The following INSC variants were observed in gnomAD, a reference collection of about 807,000 sequenced individuals.
INSC encodes the protein protein inscuteable homolog.
In INSC, 67 loss-of-function variants were observed where a neutral mutation model predicts 58.6. The observed-to-expected ratio is 1.14, with a 90% CI of 0.94 to 1.40. INSC has a LOEUF of 1.40. INSC is among the 40% of genes most tolerant of loss of function. INSC has a pLI of 0.00. For synonymous variants in INSC, 262 were observed against 276.1 expected (o/e 0.95, Z 0.51); for missense variants, 714 against 692.0 (o/e 1.03, Z -0.36).
intron 10 of INSC, among the ~76,000 whole-genome samples, chr11:15,237,100 A>T (rs886515299): frequency 3.9e-5 from 6 of 152,216 alleles, no homozygotes; most frequent in African/African-American, 1.4e-4. Flanking sequence ...GACTGACTGA[A>T]TCAGTAAACA....
chr11:15,144,023 G>A (rs1848434133), intron 1 of INSC, among the ~76,000 whole-genome samples: 1 of 152,150 alleles, frequency 6.6e-6, no homozygotes, highest in African/African-American at 2.4e-5. Flanking sequence ...CACCTGATTG[G>A]TGAATCCTAG....
chr11:15,266,002 A>G, the INSC span, among the ~76,000 whole-genome samples: 1 of 151,876 alleles, frequency 6.6e-6, no homozygotes, highest in Non-Finnish European at 1.5e-5. Flanking sequence ...AGATACTCAT[A>G]GTGACAAAGT....
intron 2 of INSC, among the ~76,000 whole-genome samples, chr11:15,165,535 A>T (rs1319500119): frequency 2.0e-5 from 3 of 152,202 alleles, no homozygotes; most frequent in Admixed American, 6.5e-5. Context: ...CTGGAATTTG[A>T]ATCCAGGTAA....
intron 9 of INSC, among the ~76,000 whole-genome samples, chr11:15,227,649 C>A (rs1202933050): frequency 6.6e-6 from 1 of 152,260 alleles, no homozygotes; most frequent in Middle Eastern, 3.4e-3. Context: ...AAAGTGGTGA[C>A]CCCCTGGTTG....
chr11:15,180,553 C>T (rs544332626), intron 5 of INSC, among the ~76,000 whole-genome samples: 16 of 151,998 alleles, frequency 1.1e-4, no homozygotes, highest in Middle Eastern at 6.8e-3. Flanking sequence ...CTCCTACTTC[C>T]CCAGCTGTTC....
intron 5 of INSC, among the ~76,000 whole-genome samples, chr11:15,179,556 C>G (rs530867954): frequency 1.4e-3 from 210 of 152,288 alleles, no homozygotes; most frequent in African/African-American, 4.4e-3. Context: ...CCTGCCTCAC[C>G]CCCACTCCTC....
At chr11:15,227,775 C>T (rs1309612529) in intron 9 of INSC, among the ~76,000 whole-genome samples, 1 of 152,170 alleles carries the variant, frequency 6.6e-6, no homozygotes, top group East Asian at 1.9e-4. Context: ...CTTACTCATG[C>T]TCATGTTCTC....
chr11:15,134,442 C>T (rs1298779457), intron 1 of INSC, among the ~76,000 whole-genome samples: 1 of 152,164 alleles, frequency 6.6e-6, no homozygotes, highest in Non-Finnish European at 1.5e-5. Context: ...GGTTGAGAAA[C>T]AGAATCTTAG....
intron 1 of INSC, among the ~76,000 whole-genome samples, chr11:15,131,629 A>G (rs561869740): frequency 1.3e-5 from 2 of 152,210 alleles, no homozygotes; most frequent in African/African-American, 2.4e-5. Context: ...TTTACTTTGC[A>G]TATCTTAAGA....
intron 1 of INSC, among the ~76,000 whole-genome samples, chr11:15,132,927 T>C (rs1848158152): frequency 6.6e-6 from 1 of 152,194 alleles, no homozygotes; most frequent in Non-Finnish European, 1.5e-5. Context: ...TTCAAAATCT[T>C]TTGTCTTTGG....
intron 8 of INSC, among the ~76,000 whole-genome samples, chr11:15,222,302 C>T (rs2133934253): frequency 6.6e-6 from 1 of 151,942 alleles, no homozygotes; most frequent in Middle Eastern, 3.4e-3. Flanking sequence ...TTTTTGTGAC[C>T]CACCTCTTTC....
intron 2 of INSC, among the ~76,000 whole-genome samples, chr11:15,158,401 T>C (rs907711953): frequency 1.3e-5 from 2 of 152,030 alleles, no homozygotes; most frequent in African/African-American, 2.4e-5. Flanking sequence ...ATATGACTTT[T>C]TGACCATATG....
At chr11:15,260,966 C>T in the INSC span, among the ~76,000 whole-genome samples, 1 of 152,306 alleles carries the variant, frequency 6.6e-6, no homozygotes, top group East Asian at 1.9e-4. Flanking sequence ...AGGTTAGGCC[C>T]TAAGCCAGGA....
chr11:15,230,311 G>C (rs1298549074), intron 9 of INSC, among the ~76,000 whole-genome samples: 1 of 151,850 alleles, frequency 6.6e-6, no homozygotes, highest in Non-Finnish European at 1.5e-5. Flanking sequence ...TTGGCTTCTG[G>C]AGAGGCCTTA....
At chr11:15,211,392 G>T (rs1345190393) in intron 7 of INSC, among the ~76,000 whole-genome samples, 1 of 152,002 alleles carries the variant, frequency 6.6e-6, no homozygotes, top group South Asian at 2.1e-4. Context: ...TAAAACACTG[G>T]GTTGTTTGTC....
chr11:15,249,583 A>G (rs546920622), downstream of INSC, among the ~76,000 whole-genome samples: 1 of 152,304 alleles, frequency 6.6e-6, no homozygotes, highest in South Asian at 2.1e-4. Context: ...AGATATTCAG[A>G]AGTTGGTGCA....
chr11:15,245,780 C>G, intron 12 of INSC, 132 bp from the exon 13 acceptor site: 1 of 1,189,440 alleles, frequency 8.4e-7, no homozygotes, highest in Non-Finnish European at 1.2e-6. Context: ...AAGTGGCTAA[C>G]ATGATGATCA....
chr11:15,245,012 C>T (rs973474271), intron 12 of INSC, among the ~76,000 whole-genome samples: 29 of 152,144 alleles, frequency 1.9e-4, no homozygotes, highest in African/African-American at 4.1e-4. Context: ...TCTTTTCAGC[C>T]AACATTTATT....
Position 15,245,964 on chromosome 11 carries a change from A to G in INSC, c.1523A>G (p.Asp508Gly), listed in dbSNP as rs1414730233. The change falls in exon 13 of 13, where the codon GAC becomes GGC. Residue 508 changes from aspartate to glycine, a missense_variant. Asp to Gly is a moderately conservative substitution (Grantham distance 94). Transcript: ENST00000379556. ...GVCPEGLQDS[D>G]FQQLVQPRLV... ...TGCCCTGAAGGCCTCCAGGACTCTG[A>G]CTTTCAGCAGTTGGTCCAGCCTCGG... 6.2e-7 allele frequency: 1 copy of G among 1,614,168 alleles called. No individual in the cohort carries two copies. Among genetic ancestry groups the G allele is most frequent in the Admixed American group, 1.7e-5 (1 of 60,022 alleles).
Sources: allele counts gnomAD v4.1 joint callset (sites outside exome capture counted in the v4.1 genomes callset), GRCh38; gene constraint gnomAD v4.1.1; transcripts MANE v1.5; gene names NCBI Gene and HGNC (gene_info 2026-07-23, HGNC 2026-07-21).